Variants in TMPRSS9 observed in about 807,000 individuals in gnomAD.
TMPRSS9 encodes the protein transmembrane protease serine 9.
In TMPRSS9, 113 loss-of-function variants were observed where a neutral mutation model predicts 111.4. That is an observed-to-expected ratio of 1.01 (90% CI 0.87 to 1.19). The LOEUF is 1.19. Among genes scored for constraint, TMPRSS9 ranks in the 50% most tolerant of loss-of-function variants. TMPRSS9 has a pLI of 0.00. For synonymous variants in TMPRSS9, 805 were observed against 659.1 expected (o/e 1.22, Z -3.39); for missense variants, 1,803 against 1,513.1 (o/e 1.19, Z -3.18).
At chr19:2,408,028 C>G (rs1011406689) in intron 7 of TMPRSS9, among the ~76,000 whole-genome samples, 13 of 151,964 alleles carry the variant, frequency 8.6e-5, no homozygotes, top group Admixed American at 2.0e-4. Flanking sequence ...GTGATCCTCC[C>G]GCCTCAGCCT....
exon 14 of TMPRSS9, chr19:2,421,855 G>A (rs761223854): frequency 6.3e-7 from 1 of 1,597,144 alleles, no homozygotes; most frequent in Non-Finnish European, 8.5e-7. Context: ...CCTTTCTAGG[G>A]TGACTCTGGG....
intron 1 of TMPRSS9, among the ~76,000 whole-genome samples, chr19:2,390,640 G>A (rs1481706768): frequency 6.6e-6 from 1 of 151,440 alleles, no homozygotes; most frequent in Admixed American, 6.6e-5. Context: ...AGGACCATCG[G>A]AGCCCAGGAG....
chr19:2,418,381 CTT>C (rs1393289243), intron 13 of TMPRSS9, among the ~76,000 whole-genome samples: 2 of 49,900 alleles, frequency 4.0e-5, no homozygotes, highest in African/African-American at 2.0e-4. Context: ...CCCTCCCTCC[CTT>C]TCCTTCCCTC....
chr19:2,425,727 G>A (rs1971607056), intron 17 of TMPRSS9, 200 bp from the exon 19 acceptor site: 3 of 1,141,974 alleles, frequency 2.6e-6, no homozygotes, highest in Non-Finnish European at 3.6e-6. Context: ...AGGCTGCAGT[G>A]GGAGGCACCG....
chr19:2,380,428 T>C (rs1323212552), intron 1 of TMPRSS9, among the ~76,000 whole-genome samples: 2 of 151,238 alleles, frequency 1.3e-5, no homozygotes, highest in East Asian at 3.9e-4. Flanking sequence ...AAACCCCGTC[T>C]CTACTAAAAA....
At chr19:2,421,273 C>T (rs1208862781) in intron 13 of TMPRSS9, among the ~76,000 whole-genome samples, 1 of 151,670 alleles carries the variant, frequency 6.6e-6, no homozygotes, top group Non-Finnish European at 1.5e-5. Flanking sequence ...CTATTCATGG[C>T]TGTTATTGTT....
At chr19:2,417,482 A>T (rs1018153756) in intron 12 of TMPRSS9, among the ~76,000 whole-genome samples, 196 of 151,276 alleles carry the variant, frequency 1.3e-3, no homozygotes, top group Non-Finnish European at 1.6e-3. Flanking sequence ...AAAAAAAAAA[A>T]ATAGAAAAAT....
intron 8 of TMPRSS9, among the ~76,000 whole-genome samples, chr19:2,409,399 C>T (rs1971049625): frequency 6.6e-6 from 1 of 151,988 alleles, no homozygotes; most frequent in Admixed American, 6.6e-5. Flanking sequence ...GCCTCAGCTT[C>T]CCAAAGTGTT....
At chr19:2,425,243 G>A (rs1440454886) in exon 16 of TMPRSS9, 24 of 1,410,572 alleles carry the variant, frequency 1.7e-5, no homozygotes, top group Non-Finnish European at 1.1e-5. Context: ...CGTCATCACC[G>A]GCTGGGGCTC....
chr19:2,366,854 T>C (rs1255552957), intron 1 of TMPRSS9, among the ~76,000 whole-genome samples: 1 of 140,222 alleles, frequency 7.1e-6, no homozygotes, highest in African/African-American at 2.7e-5. Flanking sequence ...GAGACTCCAT[T>C]TCAAAAAAAA....
At chr19:2,379,613 T>TTCTC (rs1555676511) in intron 1 of TMPRSS9, among the ~76,000 whole-genome samples, 12 of 116,780 alleles carry the variant, frequency 1.0e-4, no homozygotes, top group African/African-American at 3.7e-4. Flanking sequence ...CTAACTTTCT[T>TTCTC]TCTCTTTCTT....
chr19:2,425,611 G>A (rs2145431030), intron 17 of TMPRSS9, 118 bp downstream of exon 18: 10 of 1,377,282 alleles, frequency 7.3e-6, no homozygotes, highest in East Asian at 2.9e-5. Context: ...TTCTCCAGCG[G>A]ATCAAGCAGG....
chr19:2,422,353 G>A, intron 14 of TMPRSS9, 106 bp downstream of exon 15: 3 of 1,362,174 alleles, frequency 2.2e-6, no homozygotes, highest in Non-Finnish European at 2.9e-6. Flanking sequence ...GCCGAGGCGG[G>A]CGGATCAAGA....
rs572488597 is a variant in TMPRSS9 at position 2,365,047 on chromosome 19, T to G, written c.-26+4687T>G. 1.1e-4 allele frequency among the ~76,000 whole-genome samples: 16 copies of G among 152,168 alleles called. No homozygotes were observed. The East Asian group carries it at 2.7e-3, about 26-fold the overall frequency. On this transcript the variant is annotated intron_variant, in intron 1 of 17. Coordinates refer to the TMPRSS9 transcript ENST00000649857. ...CACACTCTGTCTTCCCACCAATATTTCTGTTCTACGTTGCAATCCAGGATC... is the reference window on the plus strand; with the variant it reads ...CACACTCTGTCTTCCCACCAATATTGCTGTTCTACGTTGCAATCCAGGATC...
At chr19:2,423,467 T>G (rs1006762872) in intron 14 of TMPRSS9, among the ~76,000 whole-genome samples, 27 of 22,860 alleles carry the variant, frequency 1.2e-3, no homozygotes, top group African/African-American at 1.9e-3. Flanking sequence ...TGGTGGGGGG[T>G]GGGGGGCGGG....
chr19:2,383,946 G>A (rs1475199806), intron 1 of TMPRSS9, among the ~76,000 whole-genome samples: 2 of 152,084 alleles, frequency 1.3e-5, no homozygotes, highest in African/African-American at 4.8e-5. Flanking sequence ...GACACACTTA[G>A]GCTACAAAAG....
At chr19:2,415,526 G>A (rs772330639) in intron 10 of TMPRSS9, 144 bp from the exon 12 acceptor site, 110 of 743,430 alleles carry the variant, frequency 1.5e-4, no homozygotes, top group Non-Finnish European at 2.0e-4. Context: ...ACACCTTGAA[G>A]CCTCCACGGC....
chr19:2,363,516 T>TG (rs940506847), intron 1 of TMPRSS9, among the ~76,000 whole-genome samples: 1 of 71,338 alleles, frequency 1.4e-5, no homozygotes, highest in Non-Finnish European at 2.9e-5. Flanking sequence ...TGTGGGGGGG[T>TG]GGGGGGACAG....
exon 5 of TMPRSS9, chr19:2,401,979 A>ATCT (rs752359392): frequency 2.3e-5 from 37 of 1,610,288 alleles, no homozygotes; most frequent in Non-Finnish European, 3.1e-5. Context: ...TTGCAGGGAG[A>ATCT]CATAAGGGAC....
Sources: allele counts gnomAD v4.1 joint callset (sites outside exome capture counted in the v4.1 genomes callset), GRCh38; gene constraint gnomAD v4.1.1; transcripts MANE v1.5; gene names NCBI Gene and HGNC (gene_info 2026-07-23, HGNC 2026-07-21).